ALK: variants seen among roughly 807,000 people sequenced by gnomAD.
The protein encoded by ALK is ALK tyrosine kinase receptor.
A neutral mutation model predicts 163.1 loss-of-function variants in ALK; 74 were observed. The ratio of observed to expected loss-of-function variants is 0.45; its 90% confidence interval spans 0.38 to 0.55. The LOEUF (loss-of-function observed/expected upper bound fraction) is 0.55, where lower values mean the gene tolerates loss of function less well. ALK is among the 20% of genes least tolerant of loss of function. The probability of loss-of-function intolerance (pLI) is 0.00; values close to 1 mark genes in which losing one functional copy is unlikely to be tolerated. For synonymous variants in ALK, 960 were observed against 843.2 expected, an observed-to-expected ratio of 1.14 and a Z score of -2.40; for missense variants, 2,063 against 2,105.3, an observed-to-expected ratio of 0.98 and a Z score of 0.39.
At position 29,797,848 on chromosome 2, in the gene ALK, T is replaced by C. The variant is rs147397280; in HGVS notation, c.668-80151A>G. On this transcript the variant is annotated intron_variant, in intron 1 of 28. Transcript: ENST00000389048. ...TACTTTCACCAAAGCACTATACCTG[T>C]TTATTCATTTACTCATTGACCCAAG... Among the ~76,000 whole-genome samples, 46 of 152,228 alleles carry C rather than the reference T, an allele frequency of 3.0e-4. 1 individual carries two copies. Among genetic ancestry groups the C allele is most frequent in the African/African-American group, 1.0e-3 (42 of 41,532 alleles).
intron 1 of ALK, among the ~76,000 whole-genome samples, chr2:29,755,031 T>C (rs890701602): frequency 2.6e-5 from 4 of 151,970 alleles, no homozygotes; most frequent in Non-Finnish European, 4.4e-5. Context: ...CTGAGCTTGG[T>C]TGCCTGTGAA....
At chr2:29,339,867 C>T (rs552201747) in intron 5 of ALK, among the ~76,000 whole-genome samples, 3 of 152,198 alleles carry the variant, frequency 2.0e-5, no homozygotes, top group Non-Finnish European at 4.4e-5. Flanking sequence ...AGGACAAAGT[C>T]AGTCTCCGTA....
chr2:29,308,987 C>G (rs560697060), intron 8 of ALK, among the ~76,000 whole-genome samples: 6 of 151,884 alleles, frequency 4.0e-5, no homozygotes, highest in African/African-American at 1.4e-4. Flanking sequence ...ATGGTATTTT[C>G]TTCAGTCACA....
At chr2:29,870,008 T>C (rs554455906) in intron 1 of ALK, among the ~76,000 whole-genome samples, 2 of 152,328 alleles carry the variant, frequency 1.3e-5, no homozygotes, top group South Asian at 2.1e-4. Context: ...TCATCTATGA[T>C]AGCAAAATGA....
chr2:29,765,283 C>A (rs144569071), intron 1 of ALK, among the ~76,000 whole-genome samples: 1 of 152,140 alleles, frequency 6.6e-6, no homozygotes, highest in Non-Finnish European at 1.5e-5. Flanking sequence ...TGAAAATGAT[C>A]GAAAGTTTTG....
intron 1 of ALK, among the ~76,000 whole-genome samples, chr2:29,885,172 T>A (rs935787800): frequency 2.0e-5 from 3 of 152,168 alleles, no homozygotes; most frequent in Non-Finnish European, 4.4e-5. Context: ...CCCTTTAAAG[T>A]TATTTTGATA....
At chr2:29,373,842 T>G (rs1558699213) in intron 5 of ALK, among the ~76,000 whole-genome samples, 1 of 152,132 alleles carries the variant, frequency 6.6e-6, no homozygotes, top group Non-Finnish European at 1.5e-5. Flanking sequence ...TCCAACTACC[T>G]CTACAGAATT....
At chr2:29,583,259 A>G (rs1379953556) in intron 3 of ALK, among the ~76,000 whole-genome samples, 1 of 152,138 alleles carries the variant, frequency 6.6e-6, no homozygotes, top group Non-Finnish European at 1.5e-5. Flanking sequence ...ATATTACTGT[A>G]AAACTAAACA....
chr2:29,823,034 G>A (rs1237448141), intron 1 of ALK, among the ~76,000 whole-genome samples: 8 of 152,176 alleles, frequency 5.3e-5, no homozygotes, highest in Non-Finnish European at 1.2e-4. Context: ...GTTATGGGAG[G>A]GACCCCATGG....
intron 5 of ALK, among the ~76,000 whole-genome samples, chr2:29,332,085 G>C (rs1667455394): frequency 1.3e-5 from 2 of 151,716 alleles, no homozygotes; most frequent in South Asian, 4.2e-4. Context: ...AGGAGATCAA[G>C]ACCATCTGGG....
rs555351941 is a variant in ALK at position 29,223,082 on chromosome 2, C to G, written c.3359+260G>C. Among the ~76,000 whole-genome samples the G allele has an allele frequency of 7.9e-5, 12 of 152,280 alleles. No homozygotes were observed. The South Asian group carries it at 2.5e-3, about 32-fold the overall frequency. On this transcript the variant is annotated intron_variant, in intron 20 of 28. Transcript: ENST00000389048. ...CTGGAGGGAAGGGGAGCCAGGTAGA[C>G]TTGGAGAGAGCACATCTGAATGAAT...
chr2:29,717,367 C>T (rs1265270927), intron 2 of ALK, among the ~76,000 whole-genome samples: 1 of 151,990 alleles, frequency 6.6e-6, no homozygotes. Context: ...TTGGCTCCCA[C>T]CAGGATACAG....
At chr2:29,810,978 A>C (rs1465788699) in intron 1 of ALK, among the ~76,000 whole-genome samples, 3 of 152,126 alleles carry the variant, frequency 2.0e-5, no homozygotes, top group African/African-American at 7.2e-5. Flanking sequence ...ACCTCACCAG[A>C]AGCCAACTCT....
At chr2:29,355,913 C>A (rs963198729) in intron 5 of ALK, among the ~76,000 whole-genome samples, 1 of 152,152 alleles carries the variant, frequency 6.6e-6, no homozygotes, top group Admixed American at 6.5e-5. Flanking sequence ...CAGAGTAGCA[C>A]GCTGGAGCCA....
At chr2:29,261,586 T>G (rs145739718) in intron 11 of ALK, among the ~76,000 whole-genome samples, 117 of 152,288 alleles carry the variant, frequency 7.7e-4, no homozygotes, top group Non-Finnish European at 1.1e-3. Flanking sequence ...CAGGGACATC[T>G]CCAATGACCA....
At chr2:29,599,950 A>G (rs1675335896) in intron 3 of ALK, among the ~76,000 whole-genome samples, 1 of 152,142 alleles carries the variant, frequency 6.6e-6, no homozygotes, top group Admixed American at 6.5e-5. Flanking sequence ...TCCCACCCCT[A>G]CCATCTCCCT....
At chr2:29,646,496 C>T (rs1355003625) in intron 3 of ALK, among the ~76,000 whole-genome samples, 1 of 152,090 alleles carries the variant, frequency 6.6e-6, no homozygotes, top group East Asian at 1.9e-4. Context: ...CAAAACCTTC[C>T]ATTTCTCTAA....
In ALK at chr2:29,309,004, T is replaced by A. The variant is rs544564206; in HGVS notation, c.1647+9300A>T. Among the ~76,000 whole-genome samples, 17 of 152,250 alleles carry A rather than the reference T, an allele frequency of 1.1e-4. 1 individual carries two copies. The South Asian group carries it at 2.9e-3, about 26-fold the overall frequency. On this transcript the variant is annotated intron_variant, in intron 8 of 28. Coordinates refer to ENST00000389048, the MANE Select transcript of ALK (RefSeq NM_004304.5). ...GGTATTTTCTTCAGTCACACTGTCA[T>A]GGTGTGATCCTGGGCAAACGGCCTC...
intron 3 of ALK, among the ~76,000 whole-genome samples, chr2:29,608,743 A>G (rs991822279): frequency 6.6e-6 from 1 of 152,150 alleles, no homozygotes; most frequent in African/African-American, 2.4e-5. Context: ...AATAGCCACC[A>G]TTCCCTCCTG....
Sources: allele counts gnomAD v4.1 joint callset (sites outside exome capture counted in the v4.1 genomes callset), GRCh38; gene constraint gnomAD v4.1.1; transcripts MANE v1.5; gene names NCBI Gene and HGNC (gene_info 2026-07-23, HGNC 2026-07-21).